Variants in FRS2 observed in about 807,000 individuals in gnomAD.
FRS2 encodes fibroblast growth factor receptor substrate 2, also known as FGFR signalling adaptor.
A neutral mutation model predicts 43.9 loss-of-function variants in FRS2; 8 were observed. That is an observed-to-expected ratio of 0.18 (90% CI 0.11 to 0.33). The LOEUF (loss-of-function observed/expected upper bound fraction) is 0.33, where lower values mean the gene tolerates loss of function less well. Ranked by LOEUF, FRS2 falls within the 10% of genes least tolerant of loss-of-function variation. FRS2 has a pLI of 1.00. For missense variants in FRS2, 534 were observed against 627.6 expected (o/e 0.85, Z 1.59); for synonymous variants, 219 against 220.3 (o/e 0.99, Z 0.05).
At chr12:69,524,713 G>A (rs1379412878) in intron 1 of FRS2, among the ~76,000 whole-genome samples, 1 of 152,168 alleles carries the variant, frequency 6.6e-6, no homozygotes, top group East Asian at 1.9e-4. Context: ...CCCTGGCCGT[G>A]TTCCACTACA....
chr12:69,534,035 A>T (rs1877051040), intron 3 of FRS2, among the ~76,000 whole-genome samples: 2 of 152,170 alleles, frequency 1.3e-5, no homozygotes, highest in Non-Finnish European at 2.9e-5. Context: ...GAGAGATTTC[A>T]CATGTAGGTG....
At chr12:69,487,695 A>G (rs1024587293) in intron 1 of FRS2, among the ~76,000 whole-genome samples, 2 of 152,214 alleles carry the variant, frequency 1.3e-5, no homozygotes, top group East Asian at 1.9e-4. Flanking sequence ...TTGTAACACT[A>G]TAGGTGCCAT....
In FRS2 at chr12:69,574,429, A is replaced by G; in HGVS notation, c.1001A>G (p.Gln334Arg). The G allele has an allele frequency of 6.2e-7, 1 of 1,614,086 alleles. No individual in the cohort carries two copies. The highest frequency in any genetic ancestry group is 8.5e-7 in the Non-Finnish European group (1 of 1,179,938). The change falls in exon 9 of 9, where the codon CAG becomes CGG. Residue 334 changes from glutamine to arginine, a missense_variant. Coordinates refer to ENST00000549921, the MANE Select transcript of FRS2 (RefSeq NM_001278356.2). ...RLTSTSTSDT[Q>R]NINNSAQRRT... is the part of the protein sequence containing the mutation. Reference sequence around the variant, plus strand: ...ACATCCACCAGTACCTCAGATACCCAGAATATCAACAACTCAGCTCAGAGA... The same window carrying G: ...ACATCCACCAGTACCTCAGATACCCGGAATATCAACAACTCAGCTCAGAGA...
intron 1 of FRS2, among the ~76,000 whole-genome samples, chr12:69,514,277 C>T (rs1874759534): frequency 1.3e-5 from 2 of 152,244 alleles, no homozygotes; most frequent in South Asian, 4.1e-4. Context: ...ATGAGGATGC[C>T]AGTACCATCT....
chr12:69,483,180 G>A (rs922553865), intron 1 of FRS2, among the ~76,000 whole-genome samples: 3 of 152,078 alleles, frequency 2.0e-5, no homozygotes, highest in African/African-American at 7.2e-5. Context: ...GACAACATAC[G>A]GTATACAGAT....
intron 3 of FRS2, among the ~76,000 whole-genome samples, chr12:69,541,846 A>AG (rs1877937171): frequency 1.4e-5 from 2 of 141,568 alleles, no homozygotes. Context: ...AAAAAAAAAA[A>AG]GTAACACTGT....
chr12:69,519,105 G>A (rs1004910527), intron 1 of FRS2, among the ~76,000 whole-genome samples: 1 of 151,882 alleles, frequency 6.6e-6, no homozygotes, highest in Non-Finnish European at 1.5e-5. Flanking sequence ...TATACAAATT[G>A]CATCCACTTC....
At position 69,549,148 on chromosome 12, in the gene FRS2, A is replaced by G. The variant is rs572349491; in HGVS notation, c.-121-13032A>G. On this transcript the variant is annotated intron_variant, in intron 3 of 8. Transcript: ENST00000549921. ...GTTGGGTAGGTTTTAATGACATTAAACAGAATTAGTACAGCTAAAAATCAA... is the reference window on the plus strand; with the variant it reads ...GTTGGGTAGGTTTTAATGACATTAAGCAGAATTAGTACAGCTAAAAATCAA... Among the ~76,000 whole-genome samples the G allele has an allele frequency of 3.9e-5, 6 of 152,330 alleles. No homozygotes were observed. In the South Asian group the frequency reaches 1.2e-3, roughly 32 times the overall value.
intron 4 of FRS2, among the ~76,000 whole-genome samples, 180 bp downstream of exon 4, chr12:69,562,454 C>G (rs1879953302): frequency 1.3e-5 from 2 of 152,138 alleles, no homozygotes; most frequent in South Asian, 4.1e-4. Context: ...TGAGCCACCA[C>G]TCCTGGCCTA....
intron 1 of FRS2, among the ~76,000 whole-genome samples, chr12:69,507,492 A>G (rs1874052731): frequency 6.6e-6 from 1 of 152,192 alleles, no homozygotes; most frequent in Admixed American, 6.5e-5. Context: ...AGATCAACAG[A>G]GCCCATTAGT....
intron 1 of FRS2, among the ~76,000 whole-genome samples, chr12:69,483,851 A>G (rs1033419774): frequency 8.0e-5 from 12 of 149,370 alleles, no homozygotes; most frequent in Non-Finnish European, 1.8e-4. Flanking sequence ...ATGTGGTTAA[A>G]TTGCTTCTCA....
At chr12:69,544,992 C>G (rs571246127) in intron 3 of FRS2, among the ~76,000 whole-genome samples, 1 of 152,122 alleles carries the variant, frequency 6.6e-6, no homozygotes, top group Admixed American at 6.5e-5. Context: ...ATAGAAAACC[C>G]TGAAGAGTCA....
chr12:69,539,052 G>A (rs890451737), intron 3 of FRS2, among the ~76,000 whole-genome samples: 3 of 152,070 alleles, frequency 2.0e-5, no homozygotes, highest in African/African-American at 7.2e-5. Flanking sequence ...CTTGGGATCA[G>A]ATGTGTTTTG....
intron 1 of FRS2, among the ~76,000 whole-genome samples, chr12:69,481,874 C>G (rs973843569): frequency 6.6e-6 from 1 of 152,102 alleles, no homozygotes; most frequent in Non-Finnish European, 1.5e-5. Flanking sequence ...ATACATAATG[C>G]CCACTTGCCC....
intron 1 of FRS2, among the ~76,000 whole-genome samples, chr12:69,527,707 A>G (rs1038435472): frequency 6.6e-6 from 1 of 152,194 alleles, no homozygotes; most frequent in Non-Finnish European, 1.5e-5. Context: ...AACTAATGTA[A>G]ATATGGGGCA....
At chr12:69,530,546 C>T (rs1876685044) in intron 1 of FRS2, among the ~76,000 whole-genome samples, 1 of 152,012 alleles carries the variant, frequency 6.6e-6, no homozygotes, top group Non-Finnish European at 1.5e-5. Context: ...CAAGACTAGC[C>T]TGGGCAATGT....
intron 1 of FRS2, among the ~76,000 whole-genome samples, chr12:69,509,335 A>T (rs59669789): frequency 6.6e-5 from 10 of 152,256 alleles, no homozygotes; most frequent in South Asian, 6.2e-4. Context: ...TCAGCCAGTC[A>T]TATGGTTTCC....
At chr12:69,504,755 A>G (rs1273458221) in intron 1 of FRS2, among the ~76,000 whole-genome samples, 1 of 152,222 alleles carries the variant, frequency 6.6e-6, no homozygotes, top group East Asian at 1.9e-4. Context: ...TAGAATTACA[A>G]CCTGATGGAA....
chr12:69,540,725 A>G (rs1460345790), intron 3 of FRS2, among the ~76,000 whole-genome samples: 3 of 152,228 alleles, frequency 2.0e-5, no homozygotes, highest in African/African-American at 7.2e-5. Flanking sequence ...CAAGAAGTGC[A>G]GAAGAGTTCG....
Sources: gnomAD v4.1 joint callset for allele counts (sites outside exome capture counted in the v4.1 genomes callset) on GRCh38, gnomAD v4.1.1 for gene constraint, MANE v1.5 for transcripts, NCBI Gene and HGNC (gene_info 2026-07-23, HGNC 2026-07-21) for gene names.